The following ZNF563 variants were observed in gnomAD, a reference collection of about 807,000 sequenced individuals.
ZNF563 encodes zinc finger protein 563.
A neutral mutation model predicts 48.5 loss-of-function variants in ZNF563; 39 were observed. That is an observed-to-expected ratio of 0.80 (90% CI 0.62 to 1.05). The LOEUF (loss-of-function observed/expected upper bound fraction) is 1.05. Ranked by LOEUF, ZNF563 falls within the 50% of genes least tolerant of loss-of-function variation. The pLI is 0.00. For missense variants in ZNF563, 538 were observed against 597.0 expected (o/e 0.90, Z 1.03); for synonymous variants, 168 against 187.9 (o/e 0.89, Z 0.87).
chr19:12,337,548 G>A (rs937108847), upstream of ZNF563, among the ~76,000 whole-genome samples: 5 of 151,992 alleles, frequency 3.3e-5, no homozygotes, highest in African/African-American at 9.7e-5. Context: ...ATGGTTTTCC[G>A]GTTTTCTGGG....
chr19:12,340,017 A>C, the ZNF563 span, among the ~76,000 whole-genome samples: 1 of 152,208 alleles, frequency 6.6e-6, no homozygotes, highest in Non-Finnish European at 1.5e-5. Context: ...AATAGTGGGC[A>C]GATGTTAATC....
intron 1 of ZNF563, among the ~76,000 whole-genome samples, chr19:12,324,543 A>C (rs6511782): frequency 0.21 from 31,364 of 151,314 alleles, 3,533 homozygotes; most frequent in African/African-American, 0.3. Context: ...CATGAAGAAA[A>C]CCTGTCTTTA....
chr19:12,317,960 C>A lies in ZNF563; in HGVS notation c.*634G>T. 1 of 180,108 alleles carries A rather than the reference C, an allele frequency of 5.6e-6. No individual in the cohort carries two copies. 11.2% of individuals were successfully genotyped at this position (180,108 alleles called of 1,614,324 possible). On this transcript the variant is annotated 3_prime_UTR_variant, in exon 4 of 4. Coordinates refer to ENST00000293725, the MANE Select transcript of ZNF563 (RefSeq NM_145276.3). ...CCTGAGAGAACTCAATGCTTTTCTA[C>A]ATTTCTTACATTCATATGACTTCTC...
chr19:12,340,012 T>C, the ZNF563 span, among the ~76,000 whole-genome samples: 1 of 152,140 alleles, frequency 6.6e-6, no homozygotes, highest in Non-Finnish European at 1.5e-5. Flanking sequence ...CAGAAAATAG[T>C]GGGCAGATGT....
intron 1 of ZNF563, among the ~76,000 whole-genome samples, chr19:12,328,033 A>G (rs974206526): frequency 1.3e-5 from 2 of 152,260 alleles, no homozygotes; most frequent in African/African-American, 4.8e-5. Flanking sequence ...TATGGCTGAA[A>G]TCAATAGCAC....
chr19:12,319,206 T>C lies in ZNF563; in HGVS notation c.819A>G (p.Arg273=), dbSNP rs571103992. Residue 273 remains arginine (R), a synonymous_variant, in exon 4 of 4, where the codon AGA becomes AGG. Transcript: ENST00000293725. Reference sequence around the variant, plus strand: ...TATATGGTTTCTCTCCAGTGTGAGTTCTTTCATGTCTTATATAGGAACTGG... The same window carrying C: ...TATATGGTTTCTCTCCAGTGTGAGTCCTTTCATGTCTTATATAGGAACTGG... ...PDSSSYIRHE[R]THTGEKPYTC... is the part of the protein sequence containing the mutation. The C allele has an allele frequency of 1.3e-5, 21 of 1,614,154 alleles. No homozygotes were observed. In the South Asian group the frequency reaches 2.2e-4, roughly 17 times the overall value.
At chr19:12,336,579 G>A (rs890023819), upstream of ZNF563, among the ~76,000 whole-genome samples, 5 of 152,338 alleles carry the variant, frequency 3.3e-5, no homozygotes, top group Admixed American at 1.3e-4. Context: ...GCGACAGAGC[G>A]AGACTCCGTC....
chr19:12,321,880 G>C (rs542252810), intron 2 of ZNF563, among the ~76,000 whole-genome samples: 3 of 151,960 alleles, frequency 2.0e-5, no homozygotes, highest in Non-Finnish European at 4.4e-5. Context: ...GTAAAGATAA[G>C]GATAAAGACC....
At chr19:12,321,749 A>G (rs1035723978) in intron 2 of ZNF563, among the ~76,000 whole-genome samples, 3 of 152,042 alleles carry the variant, frequency 2.0e-5, no homozygotes, top group Non-Finnish European at 4.4e-5. Context: ...CCGGCCTTAC[A>G]GTTGATTCTT....
intron 1 of ZNF563, among the ~76,000 whole-genome samples, chr19:12,332,642 T>G (rs1210820787): frequency 6.6e-6 from 1 of 152,186 alleles, no homozygotes; most frequent in East Asian, 1.9e-4. Flanking sequence ...CGCACTTAAT[T>G]CACAGACTTC....
At chr19:12,321,625 A>C (rs1003962861) in intron 2 of ZNF563, among the ~76,000 whole-genome samples, 3 of 152,096 alleles carry the variant, frequency 2.0e-5, no homozygotes, top group Non-Finnish European at 4.4e-5. Flanking sequence ...TTGTATTTTT[A>C]TTGGAGACGG....
rs756408167 is a variant in ZNF563, at chr19:12,322,633, A to G, written c.82T>C (p.Leu28=). The G allele has an allele frequency of 7.5e-6, 12 of 1,609,844 alleles. No individual in the cohort carries two copies. Among genetic ancestry groups the G allele is most frequent in the South Asian group, 6.6e-5 (6 of 90,924 alleles). ...WALLGPSQKN[L]YRYVMQETIR... ...GTTTCTTGCATCACATATCTGTATA[A>G]ATTCTTCTGTGATGGACCCAGCAAA... is the stretch of plus-strand genomic sequence containing the variant. Residue 28 remains leucine (L), a synonymous_variant, in exon 2 of 4, where the codon TTA becomes CTA. Coordinates refer to ENST00000293725, the MANE Select transcript of ZNF563 (RefSeq NM_145276.3).
the ZNF563 span, among the ~76,000 whole-genome samples, chr19:12,343,615 C>T: frequency 6.6e-6 from 1 of 151,678 alleles, no homozygotes; most frequent in Non-Finnish European, 1.5e-5. Context: ...GAAACAAGTT[C>T]TAATTCATTT....
the ZNF563 span, among the ~76,000 whole-genome samples, chr19:12,343,067 A>G: frequency 7.1e-3 from 1,015 of 142,100 alleles, 58 homozygotes; most frequent in Middle Eastern, 0.011. Flanking sequence ...TGTGGTGGCA[A>G]GCACCTGTAA....
chr19:12,326,229 A>G (rs908868507), intron 1 of ZNF563, among the ~76,000 whole-genome samples: 1 of 152,224 alleles, frequency 6.6e-6, no homozygotes, highest in African/African-American at 2.4e-5. Context: ...AAATCAGAAA[A>G]TAGATTTAAA....
the ZNF563 span, among the ~76,000 whole-genome samples, chr19:12,339,382 C>T: frequency 4.7e-5 from 7 of 148,152 alleles, no homozygotes; most frequent in South Asian, 1.1e-3. Flanking sequence ...TGGGTTCAAG[C>T]GATTCTCCTG....
At chr19:12,337,786 G>A (rs1969035246), upstream of ZNF563, among the ~76,000 whole-genome samples, 2 of 152,178 alleles carry the variant, frequency 1.3e-5, no homozygotes, top group Admixed American at 1.3e-4. Flanking sequence ...CATTTAATGT[G>A]AGACATGAAA....
chr19:12,344,553 A>G, the ZNF563 span, among the ~76,000 whole-genome samples: 4 of 152,316 alleles, frequency 2.6e-5, no homozygotes, highest in African/African-American at 9.6e-5. Flanking sequence ...TTGATAAACC[A>G]GGAATGGAAA....
Position 12,319,392 on chromosome 19 carries a change from T to C in ZNF563, c.633A>G (p.Leu211=). 6.2e-7 allele frequency: 1 copy of C among 1,614,188 alleles called. No homozygotes were observed. Among genetic ancestry groups the C allele is most frequent in the Middle Eastern group, 1.6e-4 (1 of 6,062 alleles). Residue 211 remains leucine, a synonymous_variant, in exon 4 of 4, where the codon TTA becomes TTG. Transcript: ENST00000293725. The part of the protein sequence containing the change: ...LCGKAFFWPS[L]LRMHERTHTG... Reference sequence around the variant, plus strand: ...TGTGAGTTCTTTCATGCATACGTAATAAACTGGGCCAAAAAAAAGCTTTCC... The same window carrying C: ...TGTGAGTTCTTTCATGCATACGTAACAAACTGGGCCAAAAAAAAGCTTTCC...
Sources: gnomAD v4.1 joint callset for allele counts (sites outside exome capture counted in the v4.1 genomes callset) on GRCh38, gnomAD v4.1.1 for gene constraint, MANE v1.5 for transcripts, NCBI Gene and HGNC (gene_info 2026-07-23, HGNC 2026-07-21) for gene names.